Variants in HPSE2 observed in about 807,000 individuals in gnomAD.
HPSE2 encodes inactive heparanase-2.
A neutral mutation model predicts 60.5 loss-of-function variants in HPSE2; 38 were observed. The ratio of observed to expected loss-of-function variants is 0.63; its 90% CI spans 0.48 to 0.82. The LOEUF (loss-of-function observed/expected upper bound fraction) is 0.82, where lower values mean the gene tolerates loss of function less well. Ranked by LOEUF, HPSE2 falls within the 40% of genes least tolerant of loss-of-function variation. The pLI, the probability that HPSE2 is intolerant of heterozygous loss-of-function variation, is 0.00. For missense variants in HPSE2, 713 were observed against 740.4 expected (o/e 0.96, Z 0.43); for synonymous variants, 295 against 293.2 (o/e 1.01, Z -0.06).
chr10:98,504,375 C>T (rs1009320008), intron 9 of HPSE2, among the ~76,000 whole-genome samples: 4 of 152,134 alleles, frequency 2.6e-5, no homozygotes, highest in Non-Finnish European at 5.9e-5. Context: ...GTCTGACTCT[C>T]ATTTAAATTT....
At chr10:98,719,344 T>G (rs1948864350) in intron 5 of HPSE2, among the ~76,000 whole-genome samples, 1 of 151,986 alleles carries the variant, frequency 6.6e-6, no homozygotes, top group African/African-American at 2.4e-5. Flanking sequence ...TTATCATCAA[T>G]TTGATAAGTG....
At chr10:99,102,709 T>C (rs551265789) in intron 3 of HPSE2, among the ~76,000 whole-genome samples, 4 of 152,274 alleles carry the variant, frequency 2.6e-5, no homozygotes, top group African/African-American at 9.6e-5. Flanking sequence ...ATATCCCTGA[T>C]GAACAACGAT....
At chr10:99,045,881 G>T (rs1957843464) in intron 3 of HPSE2, among the ~76,000 whole-genome samples, 2 of 152,102 alleles carry the variant, frequency 1.3e-5, no homozygotes, top group African/African-American at 4.8e-5. Context: ...GGAACAGATG[G>T]ATTCACAGAT....
At position 98,651,078 on chromosome 10, in the gene HPSE2, A is replaced by G. The variant is rs115587810; in HGVS notation, c.1005-9138T>C. The stretch of plus-strand genomic sequence containing the variant: ...CTAACTTTTACAGTCAGCAAATTCA[A>G]TGTCATAGAGCTATACCTTCTTAAA... On this transcript the variant is annotated intron_variant, in intron 6 of 11. Coordinates refer to ENST00000370552, the MANE Select transcript of HPSE2 (RefSeq NM_021828.5). Among the ~76,000 whole-genome samples, 679 of 152,288 alleles carry G rather than the reference A, an allele frequency of 4.5e-3. 2 individuals are homozygous for G. Among genetic ancestry groups the G allele is most frequent in the African/African-American group, 0.015 (633 of 41,552 alleles).
intron 2 of HPSE2, among the ~76,000 whole-genome samples, chr10:99,166,509 TA>T (rs1434072959): frequency 1.3e-5 from 2 of 152,138 alleles, no homozygotes; most frequent in African/African-American, 4.8e-5. Context: ...AATACAGTTA[TA>T]GGGGTATCTC....
At chr10:98,796,682 T>C (rs1950786925) in intron 3 of HPSE2, among the ~76,000 whole-genome samples, 1 of 152,134 alleles carries the variant, frequency 6.6e-6, no homozygotes, top group Non-Finnish European at 1.5e-5. Context: ...TGAACACAGA[T>C]GGCAGCCTGG....
chr10:99,023,425 C>T (rs761711753), intron 3 of HPSE2, among the ~76,000 whole-genome samples: 2 of 152,074 alleles, frequency 1.3e-5, no homozygotes, highest in African/African-American at 4.8e-5. Context: ...GGGACATCAC[C>T]GACCTGAAAA....
At chr10:99,066,702 A>G (rs1842629501) in intron 3 of HPSE2, among the ~76,000 whole-genome samples, 1 of 152,164 alleles carries the variant, frequency 6.6e-6, no homozygotes, top group African/African-American at 2.4e-5. Context: ...CACCCTTGAC[A>G]CACGGGGATT....
intron 3 of HPSE2, among the ~76,000 whole-genome samples, chr10:99,071,638 G>A (rs1589609222): frequency 2.0e-5 from 3 of 152,140 alleles, no homozygotes; most frequent in Non-Finnish European, 4.4e-5. Context: ...AGAAACCATC[G>A]CTAATGCCAA....
chr10:99,019,457 C>T (rs1957213728), intron 3 of HPSE2, among the ~76,000 whole-genome samples: 1 of 152,118 alleles, frequency 6.6e-6, no homozygotes, highest in Non-Finnish European at 1.5e-5. Context: ...AAGAATTGGA[C>T]TTTCTCTTAT....
intron 3 of HPSE2, among the ~76,000 whole-genome samples, chr10:99,050,715 T>G (rs753418692): frequency 6.6e-6 from 1 of 152,094 alleles, no homozygotes; most frequent in Non-Finnish European, 1.5e-5. Context: ...TGGGACACCA[T>G]GGGTGAACCT....
At chr10:98,708,808 C>A (rs1589682569) in intron 5 of HPSE2, among the ~76,000 whole-genome samples, 1 of 152,162 alleles carries the variant, frequency 6.6e-6, no homozygotes, top group East Asian at 1.9e-4. Flanking sequence ...TAAAATAGGA[C>A]AACTATTCTG....
chr10:99,065,522 T>C (rs1842587213), intron 3 of HPSE2, among the ~76,000 whole-genome samples: 2 of 152,128 alleles, frequency 1.3e-5, no homozygotes, highest in Non-Finnish European at 2.9e-5. Flanking sequence ...TCCCAGGTAT[T>C]TGATATGAGT....
intron 3 of HPSE2, among the ~76,000 whole-genome samples, chr10:99,078,562 A>T (rs1416115350): frequency 7.2e-5 from 11 of 152,172 alleles, no homozygotes; most frequent in Non-Finnish European, 1.5e-4. Context: ...AAACATGCAT[A>T]TATTGCATGA....
At chr10:98,645,173 G>C (rs1343601860) in intron 6 of HPSE2, among the ~76,000 whole-genome samples, 4 of 152,118 alleles carry the variant, frequency 2.6e-5, no homozygotes, top group Non-Finnish European at 5.9e-5. Flanking sequence ...AGTCATACAG[G>C]AATACAATTT....
intron 3 of HPSE2, among the ~76,000 whole-genome samples, chr10:98,926,981 G>A (rs1954485831): frequency 6.6e-6 from 1 of 152,120 alleles, no homozygotes; most frequent in African/African-American, 2.4e-5. Context: ...GAGACAGTTT[G>A]TTATAATTTC....
At chr10:98,467,942 C>T (rs1029932072) in intron 11 of HPSE2, among the ~76,000 whole-genome samples, 1 of 152,214 alleles carries the variant, frequency 6.6e-6, no homozygotes, top group Non-Finnish European at 1.5e-5. Flanking sequence ...AGGGCAGGTG[C>T]GGGGTCTGCG....
chr10:98,932,478 C>G (rs1427808725), intron 3 of HPSE2, among the ~76,000 whole-genome samples: 1 of 144,012 alleles, frequency 6.9e-6, no homozygotes, highest in Non-Finnish European at 1.5e-5. Flanking sequence ...ATGATGCTGG[C>G]CTCATAAAAT....
intron 10 of HPSE2, among the ~76,000 whole-genome samples, chr10:98,483,032 A>G (rs1021283070): frequency 2.0e-5 from 3 of 152,206 alleles, no homozygotes; most frequent in Non-Finnish European, 2.9e-5. Context: ...AATATAATGT[A>G]TATATTTTAT....
Sources: gnomAD v4.1 joint callset for allele counts (sites outside exome capture counted in the v4.1 genomes callset) on GRCh38, gnomAD v4.1.1 for gene constraint, MANE v1.5 for transcripts, NCBI Gene and HGNC (gene_info 2026-07-23, HGNC 2026-07-21) for gene names.